ATP2C2: variants seen among roughly 807,000 people sequenced by gnomAD.
ATP2C2 encodes calcium-transporting ATPase type 2C member 2.
Under a neutral mutation model 110.8 loss-of-function variants are expected in ATP2C2, and 171 were observed. The ratio of observed to expected loss-of-function variants is 1.54; its 90% CI spans 1.36 to 1.75. The LOEUF (loss-of-function observed/expected upper bound fraction) is 1.75. ATP2C2 is among the 40% of genes most tolerant of loss of function. ATP2C2 has a pLI of 0.00. For missense variants in ATP2C2, 1,963 were observed against 1,235.0 expected, an observed-to-expected ratio of 1.59 and a Z score of -8.84; for synonymous variants, 804 against 508.4, an observed-to-expected ratio of 1.58 and a Z score of -7.82.
At chr16:84,431,037 G>A (rs888583979) in intron 11 of ATP2C2, among the ~76,000 whole-genome samples, 3 of 152,092 alleles carry the variant, frequency 2.0e-5, no homozygotes, top group African/African-American at 7.2e-5. Flanking sequence ...TTGACTCTCT[G>A]TTTACATCAA....
chr16:84,452,914 G>C (rs558313670), intron 18 of ATP2C2, among the ~76,000 whole-genome samples: 1 of 152,112 alleles, frequency 6.6e-6, no homozygotes, highest in African/African-American at 2.4e-5. Context: ...GTGTGTCCTC[G>C]GCAAAGTCAC....
chr16:84,420,041 A>G (rs1907188125), intron 7 of ATP2C2, among the ~76,000 whole-genome samples: 1 of 152,132 alleles, frequency 6.6e-6, no homozygotes, highest in African/African-American at 2.4e-5. Flanking sequence ...TTTCGCTTTC[A>G]ACTGCCATGG....
chr16:84,422,807 A>T (rs1015720458), intron 9 of ATP2C2, 110 bp downstream of exon 9: 1 of 1,155,556 alleles, frequency 8.7e-7, no homozygotes, highest in Non-Finnish European at 1.2e-6. Context: ...CATGTGGTTC[A>T]TATGAGTATA....
Position 84,453,209 on chromosome 16 carries a change from G to A in ATP2C2, c.1903G>A (p.Gly635Ser), listed in dbSNP as rs367946399. Reference sequence around the variant, plus strand: ...GGAGGAGGTGGACAGCGTGGAGAAGGGCGAGCTGGCCGACCGCGTGGGGAA... The same window carrying A: ...GGAGGAGGTGGACAGCGTGGAGAAGAGCGAGCTGGCCGACCGCGTGGGGAA... ...SGEEVDSVEK[G>S]ELADRVGKVS... The change falls in exon 19 of 27, where the codon GGC becomes AGC. Residue 635 changes from glycine to serine, a missense_variant. Coordinates refer to ENST00000262429, the MANE Select transcript of ATP2C2 (RefSeq NM_014861.4). 1.1e-5 allele frequency: 18 copies of A among 1,613,884 alleles called. No homozygotes were observed. Among genetic ancestry groups the A allele is most frequent in the East Asian group, 2.2e-5 (1 of 44,886 alleles).
chr16:84,374,745 C>A (rs1787674860), intron 1 of ATP2C2, among the ~76,000 whole-genome samples: 2 of 152,118 alleles, frequency 1.3e-5, no homozygotes, highest in African/African-American at 4.8e-5. Context: ...AAAGCAGAGG[C>A]CATCTGGATG....
At chr16:84,425,187 C>T (rs1907700450) in intron 10 of ATP2C2, among the ~76,000 whole-genome samples, 1 of 152,222 alleles carries the variant, frequency 6.6e-6, no homozygotes, top group African/African-American at 2.4e-5. Context: ...CCAAGGGTGT[C>T]ACCTGGCAAC....
At chr16:84,447,335 C>T (rs1018072206) in intron 16 of ATP2C2, among the ~76,000 whole-genome samples, 1 of 152,080 alleles carries the variant, frequency 6.6e-6, no homozygotes, top group Admixed American at 6.5e-5. Flanking sequence ...TAAATCTTTT[C>T]CCTTGCAAGG....
intron 1 of ATP2C2, among the ~76,000 whole-genome samples, chr16:84,386,877 C>T (rs760695993): frequency 1.3e-5 from 2 of 152,092 alleles, no homozygotes; most frequent in African/African-American, 2.4e-5. Flanking sequence ...GATGCCTCCT[C>T]TACCCTGTTG....
At chr16:84,417,854 C>T (rs1906977000) in intron 7 of ATP2C2, among the ~76,000 whole-genome samples, 1 of 152,226 alleles carries the variant, frequency 6.6e-6, no homozygotes, top group Admixed American at 6.5e-5. Context: ...TTTGCCTATT[C>T]AGTGGAAAAT....
intron 7 of ATP2C2, among the ~76,000 whole-genome samples, chr16:84,422,128 C>T (rs8044383): frequency 0.062 from 9,369 of 152,134 alleles, 920 homozygotes; most frequent in African/African-American, 0.21. Flanking sequence ...TAGCCATCAC[C>T]TTCATTTTTT....
chr16:84,422,646 A>G lies in ATP2C2; in HGVS notation c.792A>G (p.Thr264=), dbSNP rs1055872309. 4 of 1,613,636 alleles carry G rather than the reference A, an allele frequency of 2.5e-6. No individual in the cohort carries two copies. The Admixed American group carries it at 5.0e-5, about 20-fold the overall frequency. The change falls in exon 9 of 27, where the codon ACA becomes ACG. Residue 264 remains threonine (T), a synonymous_variant. Coordinates refer to ENST00000262429, the MANE Select transcript of ATP2C2 (RefSeq NM_014861.4). The part of the protein sequence containing the change: ...YGRGQGVVIG[T]GESSQFGEVF... ...GGACACAGGGGGTCGTGATTGGAAC[A>G]GGGGAAAGCTCTCAGTTCGGAGAAG...
At position 84,448,558 on chromosome 16, in the gene ATP2C2, A is replaced by T. The variant is rs768470721; in HGVS notation, c.1529A>T (p.Lys510Ile). 1 of 1,612,630 alleles carries T rather than the reference A, an allele frequency of 6.2e-7. No individual in the cohort carries two copies. Among genetic ancestry groups the T allele is most frequent in the Non-Finnish European group, 8.5e-7 (1 of 1,179,156 alleles). ...TEDQEDIYFMKGALEEVIRYC... is the reference protein window; with the variant it reads ...TEDQEDIYFMIGALEEVIRYC... Reference sequence around the variant, plus strand: ...GATCAGGAAGACATTTACTTCATGAAAGGGGCCTTGGAAGAGGTGATCCGC... The same window carrying T: ...GATCAGGAAGACATTTACTTCATGATAGGGGCCTTGGAAGAGGTGATCCGC... The change falls in exon 17 of 27, where the codon AAA becomes ATA. Residue 510 changes from lysine (K) to isoleucine (I), a missense_variant. By Grantham distance (102) the Lys-to-Ile change is moderately radical (BLOSUM62 -3). Transcript: ENST00000262429.
intron 6 of ATP2C2, among the ~76,000 whole-genome samples, chr16:84,413,842 G>A (rs1906601986): frequency 1.3e-5 from 2 of 152,114 alleles, no homozygotes; most frequent in South Asian, 4.1e-4. Flanking sequence ...AATATTTATT[G>A]AGCACCTACT....
chr16:84,459,948 G>A (rs1480072144), intron 23 of ATP2C2: 3 of 267,272 alleles, frequency 1.1e-5, no homozygotes, highest in Non-Finnish European at 7.4e-6. Flanking sequence ...AGCTGGCCAA[G>A]TGGTGTGGGG....
At chr16:84,454,748 G>A (rs1910628543) in intron 20 of ATP2C2, 70 bp from the exon 21 acceptor site, 1 of 1,463,224 alleles carries the variant, frequency 6.8e-7, no homozygotes, top group South Asian at 1.4e-5. Context: ...GCTGGCCACA[G>A]GGTGTGCATG....
chr16:84,442,682 C>G, intron 15 of ATP2C2, 83 bp downstream of exon 15: 1 of 1,357,796 alleles, frequency 7.4e-7, no homozygotes, highest in South Asian at 1.2e-5. Context: ...CCTGTCTGAG[C>G]TAACAGGAGT....
intron 24 of ATP2C2, 65 bp from the exon 25 acceptor site, chr16:84,461,649 C>T: frequency 8.3e-6 from 12 of 1,439,802 alleles, no homozygotes; most frequent in Non-Finnish European, 1.2e-5. Flanking sequence ...AGGCCTGTGC[C>T]CTTTGGTTCA....
chr16:84,442,728 C>G (rs2288578), intron 15 of ATP2C2, 129 bp downstream of exon 15: 18 of 894,678 alleles, frequency 2.0e-5, no homozygotes, highest in Non-Finnish European at 3.2e-5. Context: ...AAATGGCCCA[C>G]ACTGGCCTTG....
At chr16:84,384,511 C>G (rs1597736968) in intron 1 of ATP2C2, among the ~76,000 whole-genome samples, 1 of 152,132 alleles carries the variant, frequency 6.6e-6, no homozygotes, top group Admixed American at 6.5e-5. Flanking sequence ...AACTTTTGCC[C>G]CTTGGTTAAG....
Sources: allele counts gnomAD v4.1 joint callset (sites outside exome capture counted in the v4.1 genomes callset), GRCh38; gene constraint gnomAD v4.1.1; transcripts MANE v1.5; gene names NCBI Gene and HGNC (gene_info 2026-07-23, HGNC 2026-07-21).